BCR: variants seen among roughly 807,000 people sequenced by gnomAD.
BCR encodes the protein breakpoint cluster region protein.
In BCR, 58 loss-of-function variants were observed where a neutral mutation model predicts 138.6. That is an observed-to-expected ratio of 0.42 (90% confidence interval 0.34 to 0.52). The LOEUF is 0.52. Ranked by LOEUF, BCR falls within the 20% of genes least tolerant of loss-of-function variation. The pLI, the probability that BCR is intolerant of heterozygous loss-of-function variation, is 0.06. For missense variants in BCR, 1,599 were observed against 1,727.2 expected, an observed-to-expected ratio of 0.93 and a Z score of 1.32; for synonymous variants, 786 against 730.1, an observed-to-expected ratio of 1.08 and a Z score of -1.23.
chr22:23,233,493 A>G (rs577567929), intron 1 of BCR, among the ~76,000 whole-genome samples: 177 of 152,290 alleles, frequency 1.2e-3, no homozygotes, highest in African/African-American at 4.2e-3. Flanking sequence ...GGGTCTTCAC[A>G]TTCTTCAGAA....
At chr22:23,247,716 G>A (rs1359307566) in intron 1 of BCR, among the ~76,000 whole-genome samples, 2 of 152,174 alleles carry the variant, frequency 1.3e-5, no homozygotes, top group African/African-American at 4.8e-5. Flanking sequence ...GATGGTCTGA[G>A]CTCAGTTCTG....
At chr22:23,210,097 T>C (rs1568934911) in intron 1 of BCR, among the ~76,000 whole-genome samples, 1 of 152,222 alleles carries the variant, frequency 6.6e-6, no homozygotes, top group Admixed American at 6.5e-5. Context: ...CAAAAATACA[T>C]ATCTTGTGAA....
intron 22 of BCR, among the ~76,000 whole-genome samples, 182 bp from the exon 23 acceptor site, chr22:23,315,251 C>A (rs1013210495): frequency 7.3e-5 from 11 of 151,684 alleles, no homozygotes; most frequent in African/African-American, 2.2e-4. Flanking sequence ...CACCCCCCAC[C>A]CAACAAGTCA....
At chr22:23,263,448 G>C in intron 4 of BCR, 2 of 1,404,578 alleles carry the variant, frequency 1.4e-6, no homozygotes, top group Non-Finnish European at 2.0e-6. Flanking sequence ...CTGCCGAGAG[G>C]GGATTCTGCT....
At chr22:23,237,047 C>T (rs558527308) in intron 1 of BCR, among the ~76,000 whole-genome samples, 62 of 152,304 alleles carry the variant, frequency 4.1e-4, no homozygotes, top group African/African-American at 1.4e-3. Flanking sequence ...AGAGCCTTTC[C>T]GGTTGCCACG....
At chr22:23,208,903 T>C (rs2072648271) in intron 1 of BCR, among the ~76,000 whole-genome samples, 1 of 152,052 alleles carries the variant, frequency 6.6e-6, no homozygotes, top group South Asian at 2.1e-4. Context: ...AGGCTTTCCA[T>C]TTCCCCTCCC....
At chr22:23,203,690 G>A (rs1329837230) in intron 1 of BCR, among the ~76,000 whole-genome samples, 1 of 152,214 alleles carries the variant, frequency 6.6e-6, no homozygotes, top group Non-Finnish European at 1.5e-5. Context: ...GTGGTTCTTG[G>A]TAGGGAAAGA....
At chr22:23,308,465 C>T (rs1035136019) in intron 16 of BCR, among the ~76,000 whole-genome samples, 2 of 152,112 alleles carry the variant, frequency 1.3e-5, no homozygotes, top group Non-Finnish European at 2.9e-5. Context: ...ACCACCACGC[C>T]CAGCTAATTT....
rs537130700 is a variant in BCR, at chr22:23,294,982, C to T, written c.2881-42C>T. ...GGACCCTTCAGCCATAACATTGACC[C>T]GTTTGTTCACACTGGACTTCCCTTC... On this transcript the variant is annotated intron_variant, in intron 15 of 22. Coordinates refer to ENST00000305877, the MANE Select transcript of BCR (RefSeq NM_004327.4). 5.9e-5 allele frequency: 95 copies of T among 1,607,284 alleles called. 3 individuals carry two copies. The South Asian group carries it at 8.4e-4, about 14-fold the overall frequency.
chr22:23,275,054 C>T (rs2073559680), intron 8 of BCR, among the ~76,000 whole-genome samples: 2 of 152,172 alleles, frequency 1.3e-5, no homozygotes, highest in South Asian at 2.1e-4. Flanking sequence ...GCTTGCTTTC[C>T]TCCTCCTGCC....
At chr22:23,268,600 A>G (rs2073473250) in intron 5 of BCR, 85 bp downstream of exon 5, 1 of 1,176,136 alleles carries the variant, frequency 8.5e-7, no homozygotes, top group Non-Finnish European at 1.2e-6. Flanking sequence ...AGTGCACCAG[A>G]TCAAGATCTG....
intron 4 of BCR, among the ~76,000 whole-genome samples, chr22:23,265,830 A>T: frequency 6.6e-6 from 1 of 152,240 alleles, no homozygotes; most frequent in Non-Finnish European, 1.5e-5. Context: ...TTTGCTAAGA[A>T]CAAGGACATT....
rs554194441 is a variant in BCR at position 23,206,828 on chromosome 22, AT to A, written c.1279+24590del. Among the ~76,000 whole-genome samples the A allele has an allele frequency of 2.2e-3, 340 of 152,170 alleles. 3 individuals carry two copies. Among genetic ancestry groups the A allele is most frequent in the Middle Eastern group, 0.02 (6 of 294 alleles). ...TCATCAATCCAAGATCCAAACATTT[AT>A]CTATTTATCTATCCACCCATCCATC... On this transcript the variant is annotated intron_variant, in intron 1 of 22. Transcript: ENST00000305877.
chr22:23,201,267 A>G (rs2072550422), intron 1 of BCR, among the ~76,000 whole-genome samples: 1 of 152,132 alleles, frequency 6.6e-6, no homozygotes, highest in African/African-American at 2.4e-5. Flanking sequence ...CCGGGGCTGC[A>G]TTCCCTGCTG....
intron 1 of BCR, among the ~76,000 whole-genome samples, chr22:23,191,631 A>G (rs974747741): frequency 6.6e-6 from 1 of 152,106 alleles, no homozygotes; most frequent in Non-Finnish European, 1.5e-5. Flanking sequence ...AGGATGGGCC[A>G]CACTCTGGCC....
At chr22:23,268,310 C>A in intron 4 of BCR, 98 bp from the exon 5 acceptor site, 1 of 968,114 alleles carries the variant, frequency 1.0e-6, no homozygotes, top group Non-Finnish European at 1.5e-6. Flanking sequence ...GTCTGCTGTC[C>A]CTGGAGTTTC....
intron 1 of BCR, among the ~76,000 whole-genome samples, chr22:23,198,052 G>A (rs2072503668): frequency 6.6e-6 from 1 of 152,130 alleles, no homozygotes; most frequent in Non-Finnish European, 1.5e-5. Flanking sequence ...TGCGTCCTGG[G>A]GGAGGTCACG....
In BCR at chr22:23,189,726, G is replaced by A. The variant is rs571859156; in HGVS notation, c.1279+7487G>A. ...CATGTTGGCCAGGCTGGTCTCAATC[G>A]TTTGACCCCGTGATCCACCCGCCTC... is the stretch of plus-strand genomic sequence containing the variant. On this transcript the variant is annotated intron_variant, in intron 1 of 22. Transcript: ENST00000305877. Among the ~76,000 whole-genome samples the A allele has an allele frequency of 3.3e-5, 5 of 152,056 alleles. No individual in the cohort carries two copies. In the South Asian group the frequency reaches 8.3e-4, roughly 25 times the overall value.
intron 1 of BCR, among the ~76,000 whole-genome samples, chr22:23,242,332 C>G (rs79943265): frequency 2.0e-5 from 3 of 152,114 alleles, no homozygotes; most frequent in African/African-American, 4.8e-5. Flanking sequence ...CACTGCAGCC[C>G]CCGATTCCAT....
Sources: gnomAD v4.1 joint callset for allele counts (sites outside exome capture counted in the v4.1 genomes callset) on GRCh38, gnomAD v4.1.1 for gene constraint, MANE v1.5 for transcripts, NCBI Gene and HGNC (gene_info 2026-07-23, HGNC 2026-07-21) for gene names.